The following RMND5A variants were observed in gnomAD, a reference collection of about 807,000 sequenced individuals.
The protein encoded by RMND5A is required for meiotic nuclear division 5 homolog A, also known as E3 ubiquitin-protein transferase RMND5A.
A neutral mutation model predicts 49.7 loss-of-function variants in RMND5A; 17 were observed. That is an observed-to-expected ratio of 0.34 (90% CI 0.23 to 0.51). The LOEUF (loss-of-function observed/expected upper bound fraction) is 0.51, where lower values mean the gene tolerates loss of function less well. Among genes scored for constraint, RMND5A ranks in the 20% least tolerant of loss-of-function variants. The pLI is 0.96. For missense variants in RMND5A, 255 were observed against 471.3 expected, an observed-to-expected ratio of 0.54 and a Z score of 4.25; for synonymous variants, 156 against 167.7, an observed-to-expected ratio of 0.93 and a Z score of 0.54.
intron 4 of RMND5A, among the ~76,000 whole-genome samples, chr2:86,761,003 TGA>T (rs1491570563): frequency 6.7e-6 from 1 of 148,454 alleles, no homozygotes; most frequent in Non-Finnish European, 1.5e-5. Flanking sequence ...TGTGTGTGTG[TGA>T]ATCAGTTTGG....
intron 1 of RMND5A, among the ~76,000 whole-genome samples, chr2:86,721,938 G>GT (rs1681234513): frequency 7.9e-6 from 1 of 126,196 alleles, no homozygotes; most frequent in Admixed American, 8.2e-5. Flanking sequence ...GCTGGTCCAT[G>GT]GGAAAGGAGT....
chr2:86,729,406 A>G (rs929644047), intron 1 of RMND5A, among the ~76,000 whole-genome samples: 1 of 150,750 alleles, frequency 6.6e-6, no homozygotes, highest in African/African-American at 2.5e-5. Context: ...TATAGGTAGA[A>G]CTAAGCAAAA....
At chr2:86,755,354 A>G (rs1480637984) in intron 4 of RMND5A, among the ~76,000 whole-genome samples, 2 of 152,232 alleles carry the variant, frequency 1.3e-5, no homozygotes, top group African/African-American at 2.4e-5. Flanking sequence ...TCTGGCCTCA[A>G]GTGATCCTCC....
At chr2:86,767,842 T>G (rs906986216) in intron 6 of RMND5A, among the ~76,000 whole-genome samples, 1 of 152,214 alleles carries the variant, frequency 6.6e-6, no homozygotes, top group Non-Finnish European at 1.5e-5. Flanking sequence ...TCCACAATGA[T>G]CCAAAGTGAT....
rs1359270789 is a variant in RMND5A at position 86,736,187 on chromosome 2, T to G, written c.143-4740T>G. On this transcript the variant is annotated intron_variant, in intron 1 of 8. Transcript: ENST00000283632. ...TTCCATTTGAGTTAATTTTTATTTT[T>G]GACTTTATTTTTTTGAGACAGGGTC... 9.6e-5 allele frequency among the ~76,000 whole-genome samples: 5 copies of G among 51,874 alleles called. 2 individuals carry two copies. Among genetic ancestry groups the G allele is most frequent in the Non-Finnish European group, 2.0e-4 (5 of 24,924 alleles). The allele number at this position is 51,874 out of a possible 152,430, so 34.0% of individuals were successfully genotyped here.
Position 86,766,028 on chromosome 2 carries a change from T to C in RMND5A, c.854+4T>C. On this transcript the variant is annotated splice_donor_region_variant and intron_variant, in intron 6 of 8. Coordinates refer to ENST00000283632, the MANE Select transcript of RMND5A (RefSeq NM_022780.4). The stretch of plus-strand genomic sequence containing the variant: ...TGGAGTCCCCTCTCAGTGTCAGGTA[T>C]GGAAATTAGCCCTGTCTGTTATTGA... The C allele has an allele frequency of 1.2e-6, 2 of 1,612,164 alleles. No individual in the cohort carries two copies. The highest frequency in any genetic ancestry group is 1.7e-6 in the Non-Finnish European group (2 of 1,179,076).
intron 2 of RMND5A, among the ~76,000 whole-genome samples, chr2:86,751,143 G>A (rs1681627105): frequency 6.6e-6 from 1 of 152,170 alleles, no homozygotes; most frequent in Non-Finnish European, 1.5e-5. Flanking sequence ...GTTCTGTGGA[G>A]AGTGTTGGTA....
chr2:86,770,166 T>TATTCTTC, intron 7 of RMND5A, 41 bp downstream of exon 7: 1 of 1,317,944 alleles, frequency 7.6e-7, no homozygotes, highest in Non-Finnish European at 1.1e-6. Flanking sequence ...TTTACTGCCA[T>TATTCTTC]TAGAAGAATA....
intron 1 of RMND5A, among the ~76,000 whole-genome samples, chr2:86,732,265 T>C (rs1681343753): frequency 6.7e-6 from 1 of 149,370 alleles, no homozygotes; most frequent in Admixed American, 6.6e-5. Flanking sequence ...ACCAGCTGTT[T>C]AGTTTTAGCA....
chr2:86,760,108 A>G (rs1038409266), intron 4 of RMND5A, among the ~76,000 whole-genome samples: 1 of 151,578 alleles, frequency 6.6e-6, no homozygotes, highest in Non-Finnish European at 1.5e-5. Flanking sequence ...GCAATGGCGC[A>G]ATCTTGGCTC....
chr2:86,765,350 C>G (rs1352319473), intron 5 of RMND5A, among the ~76,000 whole-genome samples, 157 bp downstream of exon 5: 1 of 152,172 alleles, frequency 6.6e-6, no homozygotes, highest in Non-Finnish European at 1.5e-5. Flanking sequence ...TAGACAAAAA[C>G]AAAAATATTA....
rs771249261 is a variant in RMND5A, at chr2:86,770,071, C to A, written c.903C>A (p.Ala301=). The A allele has an allele frequency of 1.2e-6, 2 of 1,613,920 alleles. No homozygotes were observed. The highest frequency in any genetic ancestry group is 8.5e-7 in the Non-Finnish European group (1 of 1,179,908). ...VALPALINIK[A]VIEQRQCTGV... is the part of the protein sequence containing the mutation. The stretch of plus-strand genomic sequence containing the variant: ...TGCCAGCTTTAATTAACATCAAAGC[C>A]GTGATTGAACAGAGGCAGTGTACTG... Residue 301 remains alanine, a synonymous_variant, in exon 7 of 9, where the codon GCC becomes GCA. Transcript: ENST00000283632.
intron 4 of RMND5A, among the ~76,000 whole-genome samples, chr2:86,760,559 T>G (rs1672461935): frequency 6.6e-6 from 1 of 152,216 alleles, no homozygotes; most frequent in South Asian, 2.1e-4. Context: ...AGCATCATGG[T>G]CATGACCAGT....
chr2:86,746,671 A>G (rs141501410), intron 2 of RMND5A, among the ~76,000 whole-genome samples: 105 of 152,346 alleles, frequency 6.9e-4, no homozygotes, highest in Admixed American at 1.4e-3. Context: ...CACTCTACAT[A>G]TGAATTTCTC....
intron 5 of RMND5A, 43 bp downstream of exon 5, chr2:86,765,236 A>C (rs767957451): frequency 1.8e-5 from 27 of 1,522,274 alleles, no homozygotes; most frequent in Non-Finnish European, 2.3e-5. Flanking sequence ...AAACAGGGCT[A>C]TAGCCACCAC....
intron 6 of RMND5A, among the ~76,000 whole-genome samples, chr2:86,767,425 C>A (rs79506309): frequency 7.2e-6 from 1 of 139,582 alleles, no homozygotes. Flanking sequence ...TTTTGGCAGT[C>A]TTTTTTTTTT....
At chr2:86,769,459 T>C (rs961422808) in intron 6 of RMND5A, among the ~76,000 whole-genome samples, 11 of 152,226 alleles carry the variant, frequency 7.2e-5, no homozygotes, top group Non-Finnish European at 1.3e-4. Flanking sequence ...TCTTGTATAT[T>C]GCTGAGTGAA....
intron 2 of RMND5A, among the ~76,000 whole-genome samples, 192 bp from the exon 3 acceptor site, chr2:86,751,704 A>C (rs1298171265): frequency 1.3e-5 from 2 of 152,208 alleles, no homozygotes; most frequent in African/African-American, 4.8e-5. Flanking sequence ...TTATCTAAAA[A>C]TATACCTATT....
intron 8 of RMND5A, 123 bp downstream of exon 8, chr2:86,771,835 CTATT>C: frequency 3.7e-6 from 3 of 806,882 alleles, no homozygotes; most frequent in East Asian, 5.3e-5. Flanking sequence ...AATTTCTTAA[CTATT>C]CATTTGGCAA....
Sources: gnomAD v4.1 joint callset for allele counts (sites outside exome capture counted in the v4.1 genomes callset) on GRCh38, gnomAD v4.1.1 for gene constraint, MANE v1.5 for transcripts, NCBI Gene and HGNC (gene_info 2026-07-23, HGNC 2026-07-21) for gene names.